The following MEGF11 variants were observed in gnomAD, a reference collection of about 807,000 sequenced individuals.
The protein encoded by MEGF11 is multiple epidermal growth factor-like domains protein 11.
Under a neutral mutation model 146.6 loss-of-function variants are expected in MEGF11, and 126 were observed. The ratio of observed to expected loss-of-function variants is 0.86; its 90% CI spans 0.74 to 1.00. The LOEUF is 1.00. Ranked by LOEUF, MEGF11 falls within the 50% of genes least tolerant of loss-of-function variation. The pLI is 0.00. For missense variants in MEGF11, 1,509 were observed against 1,521.2 expected, an observed-to-expected ratio of 0.99 and a Z score of 0.13; for synonymous variants, 532 against 583.4, an observed-to-expected ratio of 0.91 and a Z score of 1.27.
At chr15:66,159,733 G>T (rs1307892987) in intron 1 of MEGF11, among the ~76,000 whole-genome samples, 1 of 152,074 alleles carries the variant, frequency 6.6e-6, no homozygotes, top group African/African-American at 2.4e-5. Context: ...GTACCTTCTG[G>T]GGACCTTTTG....
chr15:66,086,242 G>A (rs1347547019), intron 5 of MEGF11, among the ~76,000 whole-genome samples: 1 of 152,154 alleles, frequency 6.6e-6, no homozygotes, highest in Non-Finnish European at 1.5e-5. Flanking sequence ...ATATTTGGGG[G>A]AATTATCAAC....
At chr15:66,218,254 T>C (rs1004667048) in intron 1 of MEGF11, among the ~76,000 whole-genome samples, 10 of 152,166 alleles carry the variant, frequency 6.6e-5, no homozygotes, top group Non-Finnish European at 1.3e-4. Flanking sequence ...GAAAGCTAAC[T>C]GATGAGTTGC....
intron 5 of MEGF11, among the ~76,000 whole-genome samples, chr15:66,032,906 C>G (rs924505855): frequency 4.0e-5 from 6 of 151,780 alleles, no homozygotes; most frequent in Non-Finnish European, 8.8e-5. Flanking sequence ...ACGGTGAAAC[C>G]CCATCTCTAC....
chr15:66,022,604 C>T (rs1294798777), intron 5 of MEGF11, among the ~76,000 whole-genome samples: 1 of 152,166 alleles, frequency 6.6e-6, no homozygotes, highest in Non-Finnish European at 1.5e-5. Flanking sequence ...GCAGATGAGT[C>T]ACTTGAGGCC....
chr15:66,123,236 A>G (rs74021625), intron 3 of MEGF11, among the ~76,000 whole-genome samples: 3,850 of 152,268 alleles, frequency 0.025, 168 homozygotes, highest in African/African-American at 0.088. Flanking sequence ...ACAAGGGTAC[A>G]AGACTGCCAT....
chr15:65,976,920 C>T (rs1455629292), intron 7 of MEGF11, among the ~76,000 whole-genome samples: 8 of 152,012 alleles, frequency 5.3e-5, no homozygotes, highest in Non-Finnish European at 8.8e-5. Context: ...TTGGGAGGCC[C>T]GTAATCCCAG....
intron 1 of MEGF11, among the ~76,000 whole-genome samples, chr15:66,161,468 C>T (rs1346181018): frequency 1.3e-5 from 2 of 152,116 alleles, no homozygotes; most frequent in African/African-American, 4.8e-5. Context: ...TCACTGCAGC[C>T]TCAACCTCCC....
intron 1 of MEGF11, among the ~76,000 whole-genome samples, chr15:66,194,281 TG>T (rs1372651507): frequency 1.3e-5 from 2 of 152,116 alleles, no homozygotes; most frequent in Non-Finnish European, 2.9e-5. Context: ...TACTCATAAA[TG>T]GGAGCTAAGC....
At chr15:66,211,186 C>T (rs957433555) in intron 1 of MEGF11, among the ~76,000 whole-genome samples, 7 of 152,158 alleles carry the variant, frequency 4.6e-5, no homozygotes, top group Non-Finnish European at 1.0e-4. Flanking sequence ...GTTTTCTTTG[C>T]ATTTTTTCCC....
At position 66,094,337 on chromosome 15, in the gene MEGF11, C is replaced by G. The variant is rs567303655; in HGVS notation, c.394+65G>C. ...AACACAAAAATGTAGCATGCACACA[C>G]CACAACCCACTCCCCTACCAAGTCA... On this transcript the variant is annotated intron_variant, in intron 5 of 25. Transcript: ENST00000395614. The G allele has an allele frequency of 4.4e-4, 623 of 1,406,778 alleles. 4 individuals are homozygous for G. The South Asian group carries it at 4.8e-3, about 11-fold the overall frequency. The allele number at this position is 1,406,778 out of a possible 1,614,324, so 87.1% of individuals were successfully genotyped here.
chr15:66,061,440 A>G (rs925075567), intron 5 of MEGF11, among the ~76,000 whole-genome samples: 1 of 152,070 alleles, frequency 6.6e-6, no homozygotes, highest in Non-Finnish European at 1.5e-5. Flanking sequence ...ATTTCTCTTG[A>G]GTGTGGGGCA....
rs888498143 is a variant in MEGF11, at chr15:66,159,057, C to G, written c.-8-30646G>C. 5.9e-5 allele frequency among the ~76,000 whole-genome samples: 9 copies of G among 152,202 alleles called. No individual in the cohort carries two copies. In the East Asian group the frequency reaches 1.7e-3, roughly 29 times the overall value. On this transcript the variant is annotated intron_variant, in intron 1 of 25. Coordinates refer to ENST00000395614, the MANE Select transcript of MEGF11 (RefSeq NM_001385028.1). ...AGTTGATCTTCCTCTAGACCTTCCA[C>G]GTTCCTGAACTTAGCTTGAGTAATA...
intron 8 of MEGF11, among the ~76,000 whole-genome samples, chr15:65,965,692 T>C (rs1218548496): frequency 2.0e-5 from 3 of 148,068 alleles, no homozygotes; most frequent in Non-Finnish European, 3.0e-5. Flanking sequence ...GAAGCAGAGA[T>C]TGGGGCCCTC....
At chr15:65,965,600 C>CTTTCTTTTTTTTT (rs1555456992) in intron 8 of MEGF11, among the ~76,000 whole-genome samples, 2 of 18,884 alleles carry the variant, frequency 1.1e-4, no homozygotes, top group East Asian at 4.0e-3. Flanking sequence ...TTCTTTCTTT[C>CTTTCTTTTTTTTT]TTTTTTTTTT....
intron 5 of MEGF11, among the ~76,000 whole-genome samples, chr15:66,051,890 C>T (rs2084461441): frequency 6.6e-6 from 1 of 152,234 alleles, no homozygotes; most frequent in Non-Finnish European, 1.5e-5. Context: ...CTTGAGCCCA[C>T]ATTTATAATA....
chr15:65,998,165 A>T (rs1213449410), intron 5 of MEGF11, among the ~76,000 whole-genome samples: 3 of 152,236 alleles, frequency 2.0e-5, no homozygotes, highest in Non-Finnish European at 4.4e-5. Context: ...TCATGAAAGC[A>T]GTAAAGCAGG....
chr15:65,963,674 G>C (rs2080951475), intron 9 of MEGF11, among the ~76,000 whole-genome samples: 1 of 152,222 alleles, frequency 6.6e-6, no homozygotes, highest in African/African-American at 2.4e-5. Flanking sequence ...GAATGACCGA[G>C]TGAATGAATG....
chr15:66,019,168 T>C (rs1224312723), intron 5 of MEGF11, among the ~76,000 whole-genome samples: 1 of 152,146 alleles, frequency 6.6e-6, no homozygotes, highest in Admixed American at 6.5e-5. Flanking sequence ...ACAGGGCCTG[T>C]GCGTGGGAAC....
At position 65,915,519 on chromosome 15, in the gene MEGF11, G is replaced by A. The variant is rs756044638; in HGVS notation, c.2424C>T (p.Thr808=). 19 of 1,613,888 alleles carry A rather than the reference G, an allele frequency of 1.2e-5. No homozygotes were observed. In the East Asian group the frequency reaches 1.3e-4, roughly 11 times the overall value. The part of the protein sequence containing the change: ...CMNNSTCDHV[T]GTCYCSPGFK... ...AGCCAGGGCTGCAGTAACAGGTGCC[G>A]GTGACATGGTCACAGGTGGAGTTGT... is the stretch of plus-strand genomic sequence containing the variant. Residue 808 remains threonine (T), a synonymous_variant, in exon 19 of 26, where the codon ACC becomes ACT. Transcript: ENST00000395614.
Sources: gnomAD v4.1 joint callset for allele counts (sites outside exome capture counted in the v4.1 genomes callset) on GRCh38, gnomAD v4.1.1 for gene constraint, MANE v1.5 for transcripts, NCBI Gene and HGNC (gene_info 2026-07-23, HGNC 2026-07-21) for gene names.